Variants in ICA1 observed in about 807,000 individuals in gnomAD.
The protein encoded by ICA1 is 69 kDa islet cell autoantigen.
A neutral mutation model predicts 71.0 loss-of-function variants in ICA1; 40 were observed. The ratio of observed to expected loss-of-function variants is 0.56; its 90% CI spans 0.44 to 0.73. The LOEUF is 0.73. Ranked by LOEUF, ICA1 falls within the 30% of genes least tolerant of loss-of-function variation. ICA1 has a pLI of 0.00. For missense variants in ICA1, 578 were observed against 576.5 expected (o/e 1.00, Z -0.03); for synonymous variants, 207 against 209.5 (o/e 0.99, Z 0.10).
At chr7:8,190,986 T>TA (rs1230763677) in intron 6 of ICA1, among the ~76,000 whole-genome samples, 5 of 152,190 alleles carry the variant, frequency 3.3e-5, no homozygotes, top group African/African-American at 1.2e-4. Context: ...ATGACTCCAG[T>TA]ATGATAATGA....
chr7:8,135,443 C>T (rs1246242214), intron 12 of ICA1, among the ~76,000 whole-genome samples: 2 of 152,152 alleles, frequency 1.3e-5, no homozygotes, highest in Non-Finnish European at 2.9e-5. Context: ...GCCAGCAGTA[C>T]ATCCCAGGAT....
At chr7:8,138,707 A>T in intron 12 of ICA1, 133 bp downstream of exon 12, 1 of 707,798 alleles carries the variant, frequency 1.4e-6, no homozygotes, top group Non-Finnish European at 2.5e-6. Flanking sequence ...TCATTTATAA[A>T]GACTGTCACC....
At chr7:8,221,903 C>T (rs113022122) in intron 4 of ICA1, among the ~76,000 whole-genome samples, 9 of 152,020 alleles carry the variant, frequency 5.9e-5, no homozygotes, top group South Asian at 2.1e-4. Flanking sequence ...GGGGTAGGGA[C>T]GGAGGGTGGG....
intron 6 of ICA1, among the ~76,000 whole-genome samples, chr7:8,166,191 A>C (rs571951427): frequency 6.6e-6 from 1 of 152,344 alleles, no homozygotes; most frequent in African/African-American, 2.4e-5. Context: ...ATTATTAATA[A>C]TGGCCTATCA....
At chr7:8,228,496 A>G in intron 4 of ICA1, 105 bp downstream of exon 4, 1 of 593,698 alleles carries the variant, frequency 1.7e-6, no homozygotes, top group Non-Finnish European at 2.8e-6. Context: ...CTGAAGACAC[A>G]GACAAACACT....
intron 6 of ICA1, among the ~76,000 whole-genome samples, chr7:8,200,425 G>A (rs904551487): frequency 1.5e-3 from 5 of 3,420 alleles, no homozygotes; most frequent in Non-Finnish European, 2.0e-3. Flanking sequence ...AAGTGAACTC[G>A]TGGAAGTTTG....
At chr7:8,156,985 T>A in intron 8 of ICA1, 131 bp downstream of exon 8, 1 of 1,579,798 alleles carries the variant, frequency 6.3e-7, no homozygotes, top group Non-Finnish European at 8.6e-7. Flanking sequence ...AAGACTCTGC[T>A]GGGGGCACAG....
At chr7:8,134,679 C>A (rs77241633) in intron 12 of ICA1, among the ~76,000 whole-genome samples, 9 of 152,196 alleles carry the variant, frequency 5.9e-5, no homozygotes, top group Admixed American at 5.2e-4. Context: ...AAACACCTTA[C>A]GAAAATGGCT....
rs1293275941 is a variant in ICA1 at position 8,157,148 on chromosome 7, C to A, written c.772G>T (p.Gly258Cys). The A allele has an allele frequency of 1.9e-6, 3 of 1,613,764 alleles. No individual in the cohort carries two copies. The East Asian group carries it at 6.7e-5, about 36-fold the overall frequency. The change falls in exon 8 of 14, where the codon GGT becomes TGT. Residue 258 changes from glycine to cysteine, a missense_variant. Transcript: ENST00000402384. ...GTAGTAAATTCATATGGTTGATAAC[C>A]TTTGAAACTCTCATGGATGGCTGCC... ...TMAAIHESFK[G>C]YQPYEFTTLK...
intron 1 of ICA1, among the ~76,000 whole-genome samples, chr7:8,256,590 G>A (rs1023035102): frequency 1.3e-5 from 2 of 151,998 alleles, no homozygotes; most frequent in African/African-American, 2.4e-5. Context: ...TCAACATCTC[G>A]TCTCTATCCC....
intron 10 of ICA1, among the ~76,000 whole-genome samples, chr7:8,139,844 TG>T (rs1238192612): frequency 6.6e-6 from 1 of 152,220 alleles, no homozygotes; most frequent in African/African-American, 2.4e-5. Context: ...AACAATAAAG[TG>T]TGTCTGTGTG....
At chr7:8,195,852 C>A (rs1187143304) in intron 6 of ICA1, among the ~76,000 whole-genome samples, 1 of 152,008 alleles carries the variant, frequency 6.6e-6, no homozygotes, top group African/African-American at 2.4e-5. Context: ...GTGGTATGTG[C>A]CTGTAGTCCC....
At chr7:8,248,632 C>G (rs895554702) in intron 1 of ICA1, among the ~76,000 whole-genome samples, 3 of 152,156 alleles carry the variant, frequency 2.0e-5, no homozygotes, top group Non-Finnish European at 4.4e-5. Flanking sequence ...GGGAGGATCG[C>G]TTGAGCCAGG....
intron 6 of ICA1, among the ~76,000 whole-genome samples, chr7:8,161,291 A>G (rs553739448): frequency 1.3e-5 from 2 of 152,324 alleles, no homozygotes; most frequent in African/African-American, 4.8e-5. Context: ...CTATATTATA[A>G]TAGAATGGGA....
chr7:8,258,227 T>C (rs1810922585), intron 1 of ICA1, among the ~76,000 whole-genome samples: 1 of 152,226 alleles, frequency 6.6e-6, no homozygotes, highest in Non-Finnish European at 1.5e-5. Context: ...CTCCAGAGCA[T>C]GGTGGGGTCT....
chr7:8,205,239 G>A lies in ICA1; in HGVS notation c.579+13066C>T, dbSNP rs1036679964. On this transcript the variant is annotated intron_variant, in intron 6 of 13. Transcript: ENST00000402384. ...GCCTTTTCCTGGCAGGGCTTGGGGA[G>A]GGAAGGTGAGGAAGCATGGCATACA... is the stretch of plus-strand genomic sequence containing the variant. Among the ~76,000 whole-genome samples, 5 of 152,260 alleles carry A rather than the reference G, an allele frequency of 3.3e-5. No homozygotes were observed. The South Asian group carries it at 6.2e-4, about 19-fold the overall frequency.
At chr7:8,176,039 T>A (rs535040337) in intron 6 of ICA1, among the ~76,000 whole-genome samples, 33 of 152,306 alleles carry the variant, frequency 2.2e-4, no homozygotes, top group African/African-American at 7.5e-4. Context: ...ACTCCCCTCA[T>A]TTTACAGAGG....
At chr7:8,162,337 A>C (rs1351677640) in intron 6 of ICA1, among the ~76,000 whole-genome samples, 2 of 152,246 alleles carry the variant, frequency 1.3e-5, no homozygotes, top group Non-Finnish European at 2.9e-5. Context: ...TGATTATTAA[A>C]ATACTTAATG....
chr7:8,174,956 G>A (rs7784909), intron 6 of ICA1, among the ~76,000 whole-genome samples: 34,985 of 151,916 alleles, frequency 0.23, 4,261 homozygotes, highest in African/African-American at 0.29. Flanking sequence ...AGAAATACAC[G>A]TTCCACTGCT....
Sources: allele counts gnomAD v4.1 joint callset (sites outside exome capture counted in the v4.1 genomes callset), GRCh38; gene constraint gnomAD v4.1.1; transcripts MANE v1.5; gene names NCBI Gene and HGNC (gene_info 2026-07-23, HGNC 2026-07-21).